The following SARS1 variants were observed in gnomAD, a reference collection of about 807,000 sequenced individuals.
SARS1 encodes the protein seryl-tRNA synthetase 1, also known as serine--tRNA ligase, cytoplasmic.
Under a neutral mutation model 63.7 loss-of-function variants are expected in SARS1, and 25 were observed. That is an observed-to-expected ratio of 0.39 (90% CI 0.29 to 0.55). SARS1 has a LOEUF of 0.55. Among genes scored for constraint, SARS1 ranks in the 20% least tolerant of loss-of-function variants. The pLI, the probability that SARS1 is intolerant of heterozygous loss-of-function variation, is 0.62. For missense variants in SARS1, 417 were observed against 649.7 expected, an observed-to-expected ratio of 0.64 and a Z score of 3.89; for synonymous variants, 231 against 243.5, an observed-to-expected ratio of 0.95 and a Z score of 0.48.
Position 109,235,317 on chromosome 1 carries a change from C to T in SARS1, c.855C>T (p.Leu285=), listed in dbSNP as rs1655286478. The change falls in exon 7 of 11, where the codon CTC becomes CTT. Residue 285 remains leucine (L), a synonymous_variant. Coordinates refer to ENST00000234677, the MANE Select transcript of SARS1 (RefSeq NM_006513.4). This position sits in a 1 kb window ranked among gnomAD's most constrained non-coding sequence, Gnocchi z 4.7. ...PIAALHRDEW[L]RPEDLPIKYA... ...CTGCCCTGCACCGGGATGAGTGGCT[C>T]CGGCCGGAGGACCTGCCCATCAAGT... is the stretch of plus-strand genomic sequence containing the variant. The T allele has an allele frequency of 6.2e-7, 1 of 1,614,086 alleles. No homozygotes were observed. The highest frequency in any genetic ancestry group is 1.1e-5 in the South Asian group (1 of 91,074).
chr1:109,221,061 C>CTT (rs1164086091), intron 1 of SARS1, among the ~76,000 whole-genome samples: 11 of 139,098 alleles, frequency 7.9e-5, no homozygotes, highest in Non-Finnish European at 7.9e-5. Flanking sequence ...CTTTTCTTCT[C>CTT]TTTTTTTTTT....
Position 109,237,879 on chromosome 1 carries a change from C to T in SARS1, c.1536C>T (p.Thr512=), listed in dbSNP as rs141173120. ...ACAGGCTGCAGAACATGGAGGTCAC[C>T]GATGCTTGAACATTCCTGCCTCCCT... ...LENRLQNMEV[T]DA is the part of the protein sequence containing the mutation. Residue 512 remains threonine (T), a synonymous_variant, in exon 11 of 11, where the codon ACC becomes ACT. Transcript: ENST00000234677. This position sits in a 1 kb window ranked among gnomAD's most constrained non-coding sequence, Gnocchi z 4.1. The T allele has an allele frequency of 6.5e-4, 1,048 of 1,614,106 alleles. 14 individuals are homozygous for T. The South Asian group carries it at 8.1e-3, about 12-fold the overall frequency.
At position 109,231,147 on chromosome 1, in the gene SARS1, A is replaced by G. The variant is rs183685036; in HGVS notation, c.591+126A>G. 8 of 559,302 alleles carry G rather than the reference A, an allele frequency of 1.4e-5. No individual in the cohort carries two copies. The Admixed American group carries it at 2.9e-4, about 20-fold the overall frequency. The allele number at this position is 559,302 out of a possible 1,614,324, so 34.6% of individuals were successfully genotyped here. ...AGAGGCCCACAGATCTACCAGTTGT[A>G]CTTGCCTTTCTGCAAATGTATTGGC... On this transcript the variant is annotated intron_variant, in intron 5 of 10. Transcript: ENST00000234677.
intron 1 of SARS1, among the ~76,000 whole-genome samples, chr1:109,218,109 C>T (rs1570753006): frequency 6.9e-6 from 1 of 145,406 alleles, no homozygotes; most frequent in East Asian, 2.1e-4. Flanking sequence ...AGGAGAATGG[C>T]GTGAACCCGG....
chr1:109,223,929 C>A, intron 1 of SARS1, 49 bp from the exon 2 acceptor site: 1 of 1,384,182 alleles, frequency 7.2e-7, no homozygotes, highest in South Asian at 1.2e-5. Flanking sequence ...AAAGGAGTAT[C>A]TTAATTATGG....
chr1:109,214,490 C>T lies in SARS1; in HGVS notation c.136+362C>T. On this transcript the variant is annotated intron_variant, in intron 1 of 10. Transcript: ENST00000234677. The surrounding 1 kb of genome is among the most constrained non-coding windows in gnomAD (Gnocchi z 4.6). ...TTTCCTAACACGAATCTTTGGTCCC[C>T]CCCAGTCTTTTTCTCATCTTCAGCA... 2.0e-6 allele frequency: 2 copies of T among 1,008,256 alleles called. No individual in the cohort carries two copies. Among genetic ancestry groups the T allele is most frequent in the Non-Finnish European group, 2.4e-6 (2 of 833,952 alleles). The allele number at this position is 1,008,256 out of a possible 1,614,324, so 62.5% of individuals were successfully genotyped here.
At chr1:109,216,200 G>A (rs1393159976) in intron 1 of SARS1, 20 of 985,254 alleles carry the variant, frequency 2.0e-5, no homozygotes, top group Non-Finnish European at 2.4e-5. Context: ...TTCTCTCATT[G>A]CCTTGAGCAA....
At chr1:109,226,663 TA>T (rs66652692) in intron 2 of SARS1, among the ~76,000 whole-genome samples, 90 of 55,520 alleles carry the variant, frequency 1.6e-3, no homozygotes, top group East Asian at 9.5e-3. Context: ...CTGGCTAATT[TA>T]AAAAAAAAAA....
intron 1 of SARS1, among the ~76,000 whole-genome samples, chr1:109,218,518 G>A (rs1654846517): frequency 6.6e-6 from 1 of 150,698 alleles, no homozygotes. Context: ...ATAGTCACAT[G>A]GTATTAAAAG....
chr1:109,214,126 G>T lies in SARS1; in HGVS notation c.134G>T (p.Arg45Leu), dbSNP rs1291466024. ...GTGAAGGCAGACAGCGAGTGGCGAC[G>T]ATGTAAGTACCGGGACGGGCGGGTT... ...QLVKADSEWRRCRFRADNLNK... is the reference protein window; with the variant it reads ...QLVKADSEWRLCRFRADNLNK... Residue 45 changes from arginine to leucine, a missense_variant and splice_region_variant, in exon 1 of 11, where the codon CGA becomes CTA. Transcript: ENST00000234677. The surrounding 1 kb of genome is among the most constrained non-coding windows in gnomAD (Gnocchi z 4.6). 1 of 1,613,620 alleles carries T rather than the reference G, an allele frequency of 6.2e-7. No individual in the cohort carries two copies.
At chr1:109,218,001 C>G (rs542141499) in intron 1 of SARS1, among the ~76,000 whole-genome samples, 1 of 151,610 alleles carries the variant, frequency 6.6e-6, no homozygotes, top group African/African-American at 2.4e-5. Context: ...ACCATCCTGG[C>G]TAACACGGTG....
Position 109,214,763 on chromosome 1 carries a change from G to A in SARS1, c.136+635G>A, listed in dbSNP as rs769053476. 2.1e-5 allele frequency: 21 copies of A among 985,328 alleles called. No homozygotes were observed. Among genetic ancestry groups the A allele is most frequent in the Non-Finnish European group, 2.5e-5 (21 of 829,964 alleles). The allele number at this position is 985,328 out of a possible 1,614,324, so 61.0% of individuals were successfully genotyped here. A position where few individuals can be genotyped will look rare whatever the true frequency, so the allele number is the denominator to read the frequency against. On this transcript the variant is annotated intron_variant, in intron 1 of 10. Coordinates refer to ENST00000234677, the MANE Select transcript of SARS1 (RefSeq NM_006513.4). This position sits in a 1 kb window ranked among gnomAD's most constrained non-coding sequence, Gnocchi z 4.6. ...AAACGCGAGGGGAGTGAGGAGGCGA[G>A]CAAAAGATTGTAATGACTGAAGCTG...
At chr1:109,226,574 G>A (rs568239236) in intron 2 of SARS1, among the ~76,000 whole-genome samples, 1 of 144,244 alleles carries the variant, frequency 6.9e-6, no homozygotes, top group South Asian at 2.2e-4. Context: ...GCTCACCACA[G>A]CCTCTAATAC....
chr1:109,217,564 T>A (rs1039654527), intron 1 of SARS1, among the ~76,000 whole-genome samples: 17 of 149,344 alleles, frequency 1.1e-4, no homozygotes, highest in Non-Finnish European at 2.1e-4. Context: ...TATATATAAT[T>A]ATTATTATTA....
In SARS1 at chr1:109,234,371, A is replaced by G. The variant is rs193053403; in HGVS notation, c.748-839A>G. On this transcript the variant is annotated intron_variant, in intron 6 of 10. Transcript: ENST00000234677. ...CAAAAGTATTTTTCTGTGTTACTGC[A>G]TGGTCTTCATTTTTATGGTTGTATA... is the stretch of plus-strand genomic sequence containing the variant. 4.6e-5 allele frequency among the ~76,000 whole-genome samples: 7 copies of G among 151,772 alleles called. No individual in the cohort carries two copies. In the East Asian group the frequency reaches 1.4e-3, roughly 29 times the overall value.
At chr1:109,232,018 G>A (rs1655221950) in intron 6 of SARS1, among the ~76,000 whole-genome samples, 1 of 152,186 alleles carries the variant, frequency 6.6e-6, no homozygotes, top group Non-Finnish European at 1.5e-5. Context: ...CAGTGCAGCT[G>A]CAGAGCCTCT....
At position 109,236,051 on chromosome 1, in the gene SARS1, A is replaced by C. The variant is rs368562236; in HGVS notation, c.1044A>C (p.Ala348=). 6 of 1,614,092 alleles carry C rather than the reference A, an allele frequency of 3.7e-6. No individual in the cohort carries two copies. The highest frequency in any genetic ancestry group is 5.1e-6 in the Non-Finnish European group (6 of 1,179,930). ...WEMFEEMITT[A]EEFYQSLGIP... is the part of the protein sequence containing the mutation. The stretch of plus-strand genomic sequence containing the variant: ...TGTTTGAAGAGATGATTACCACCGC[A>C]GAGGAGTTCTACCAGTCCCTGGGGA... The change falls in exon 8 of 11, where the codon GCA becomes GCC. Residue 348 remains alanine, a synonymous_variant. Coordinates refer to ENST00000234677, the MANE Select transcript of SARS1 (RefSeq NM_006513.4).
At chr1:109,236,997 A>G in intron 9 of SARS1, 1 of 1,323,498 alleles carries the variant, frequency 7.6e-7, no homozygotes, top group Non-Finnish European at 9.8e-7. Context: ...AAAGGGCCCA[A>G]CTCTCAGAAT....
intron 6 of SARS1, among the ~76,000 whole-genome samples, chr1:109,233,016 A>G (rs1349906192): frequency 6.6e-6 from 1 of 152,210 alleles, no homozygotes; most frequent in Non-Finnish European, 1.5e-5. Context: ...TTCTGTAAGA[A>G]TGAATATATC....
Sources: gnomAD v4.1 joint callset for allele counts (sites outside exome capture counted in the v4.1 genomes callset) on GRCh38, gnomAD v4.1.1 for gene constraint, Gnocchi (gnomAD v3.1) non-coding constraint, MANE v1.5 for transcripts, NCBI Gene and HGNC (gene_info 2026-07-23, HGNC 2026-07-21) for gene names.